The following TSHZ1 variants were observed in gnomAD, a reference collection of about 807,000 sequenced individuals.
The protein encoded by TSHZ1 is teashirt homolog 1.
In TSHZ1, 12 loss-of-function variants were observed where a neutral mutation model predicts 67.1. That is an observed-to-expected ratio of 0.18 (90% CI 0.11 to 0.29). TSHZ1 has a LOEUF of 0.29. Ranked by LOEUF, TSHZ1 falls within the 10% of genes least tolerant of loss-of-function variation. The probability of loss-of-function intolerance (pLI) is 1.00; values close to 1 mark genes in which losing one functional copy is unlikely to be tolerated. For missense variants in TSHZ1, 1,305 were observed against 1,413.9 expected, an observed-to-expected ratio of 0.92 and a Z score of 1.23; for synonymous variants, 632 against 622.4, an observed-to-expected ratio of 1.02 and a Z score of -0.23.
At chr18:75,265,797 A>G (rs928931101) in intron 1 of TSHZ1, among the ~76,000 whole-genome samples, 2 of 152,080 alleles carry the variant, frequency 1.3e-5, no homozygotes, top group African/African-American at 4.8e-5. Context: ...TCCGATGATG[A>G]ATTTACTATT....
chr18:75,229,194 C>G (rs1033094952), intron 1 of TSHZ1, among the ~76,000 whole-genome samples: 1 of 152,230 alleles, frequency 6.6e-6, no homozygotes, highest in Non-Finnish European at 1.5e-5. Flanking sequence ...ACCTGCCGGC[C>G]CTCCTCAAAG....
chr18:75,233,425 C>T (rs906726883), intron 1 of TSHZ1, among the ~76,000 whole-genome samples: 13 of 152,134 alleles, frequency 8.5e-5, no homozygotes, highest in Non-Finnish European at 7.3e-5. Flanking sequence ...AATATAGTGA[C>T]AATACTAAAA....
In TSHZ1 at chr18:75,288,119, C is replaced by A. The variant is rs200403332; in HGVS notation, c.2712C>A (p.Phe904Leu). The change falls in exon 2 of 2, where the codon TTC becomes TTA. Residue 904 changes from phenylalanine (F) to leucine (L), a missense_variant. Around this residue, in one of 3 missense-constraint regions of TSHZ1, gnomAD observed 909 missense variants for 961.8 expected, o/e 0.95. Transcript: ENST00000580243. The surrounding 1 kb of genome is among the most constrained non-coding windows in gnomAD (Gnocchi z 4.9). Reference protein sequence around the residue: ...PQHLLILQAQFASSLRETTEG... With the variant: ...PQHLLILQAQLASSLRETTEG... Reference sequence around the variant, plus strand: ...ACCTTCTCATCCTGCAGGCCCAGTTCGCCTCGAGCTTGCGGGAGACCACAG... The same window carrying A: ...ACCTTCTCATCCTGCAGGCCCAGTTAGCCTCGAGCTTGCGGGAGACCACAG... The A allele has an allele frequency of 6.2e-7, 1 of 1,613,780 alleles. No individual in the cohort carries two copies. The highest frequency in any genetic ancestry group is 1.7e-5 in the Admixed American group (1 of 60,028).
chr18:75,259,039 G>C (rs2023397984), intron 1 of TSHZ1, among the ~76,000 whole-genome samples: 1 of 152,114 alleles, frequency 6.6e-6, no homozygotes. Context: ...TCCCCTCAAG[G>C]TAACCAATAG....
Position 75,286,672 on chromosome 18 carries a change from G to A in TSHZ1, c.1265G>A (p.Gly422Asp), listed in dbSNP as rs1230710348. The A allele has an allele frequency of 1.2e-6, 2 of 1,614,194 alleles. No individual in the cohort carries two copies. The highest frequency in any genetic ancestry group is 2.2e-5 in the South Asian group (2 of 91,084). ...CAGATCCTCAAGTGCATGGAGTGTG[G>A]CAGCTCCCACGACACGCTGCAGCAG... is the stretch of plus-strand genomic sequence containing the variant. ...KAQILKCMEC[G>D]SSHDTLQQLT... is the part of the protein sequence containing the mutation. The change falls in exon 2 of 2, where the codon GGC (glycine) becomes GAC (aspartate). Residue 422 changes from glycine to aspartate, a missense_variant. By Grantham distance (94) the Gly-to-Asp change is moderately conservative (BLOSUM62 -1). This residue lies in a region of TSHZ1 where 909 missense variants were observed against 961.8 expected (regional missense o/e 0.95). Coordinates refer to ENST00000580243, the MANE Select transcript of TSHZ1 (RefSeq NM_001308210.2). The surrounding 1 kb of genome is among the most constrained non-coding windows in gnomAD (Gnocchi z 5.1).
At chr18:75,248,093 T>C (rs2122560489) in intron 1 of TSHZ1, among the ~76,000 whole-genome samples, 1 of 152,322 alleles carries the variant, frequency 6.6e-6, no homozygotes, top group Admixed American at 6.5e-5. Flanking sequence ...AACTATTATT[T>C]GAGGCTATAT....
At chr18:75,254,278 T>C (rs1332484010) in intron 1 of TSHZ1, among the ~76,000 whole-genome samples, 8 of 152,212 alleles carry the variant, frequency 5.3e-5, no homozygotes, top group Non-Finnish European at 4.4e-5. Flanking sequence ...ACTACTGCTT[T>C]ATGGGACTAC....
intron 1 of TSHZ1, chr18:75,283,927 C>T (rs999860593): frequency 2.0e-5 from 3 of 152,158 alleles, no homozygotes; most frequent in Admixed American, 6.5e-5. Context: ...TGTCGTGTTC[C>T]CTCAGGCCCT....
chr18:75,222,225 CTTT>C (rs11365940), intron 1 of TSHZ1, among the ~76,000 whole-genome samples: 2 of 139,036 alleles, frequency 1.4e-5, no homozygotes. Context: ...AGTTGCCTGA[CTTT>C]TTTTTTTTTT....
At chr18:75,262,750 T>C (rs1258410107) in intron 1 of TSHZ1, among the ~76,000 whole-genome samples, 1 of 152,190 alleles carries the variant, frequency 6.6e-6, no homozygotes, top group Non-Finnish European at 1.5e-5. Context: ...TCTCAGCGTC[T>C]TTCCTCTTCC....
intron 1 of TSHZ1, among the ~76,000 whole-genome samples, chr18:75,233,609 C>G (rs972518901): frequency 1.3e-5 from 2 of 152,166 alleles, no homozygotes; most frequent in Non-Finnish European, 2.9e-5. Flanking sequence ...ATGAGTCAGC[C>G]TGGTGGATTA....
rs762622920 is a variant in TSHZ1, at chr18:75,286,570, C to T, written c.1163C>T (p.Pro388Leu). 1.7e-5 allele frequency: 28 copies of T among 1,614,102 alleles called. No homozygotes were observed. The highest frequency in any genetic ancestry group is 1.6e-4 in the Middle Eastern group (1 of 6,084). Residue 388 changes from proline (P) to leucine (L), a missense_variant, in exon 2 of 2, where the codon CCG becomes CTG. Around this residue, in one of 3 missense-constraint regions of TSHZ1, gnomAD observed 909 missense variants for 961.8 expected, o/e 0.95. Transcript: ENST00000580243. The surrounding 1 kb of genome is among the most constrained non-coding windows in gnomAD (Gnocchi z 5.1). ...GCCAAGGATCAGAAAGCAGCGAACC[C>T]GTACGTCACGCCCAATAACCGCTAT... ...ESAKDQKAAN[P>L]YVTPNNRYGY...
intron 1 of TSHZ1, among the ~76,000 whole-genome samples, chr18:75,231,127 C>T (rs949860275): frequency 4.6e-5 from 7 of 152,148 alleles, no homozygotes; most frequent in Non-Finnish European, 7.3e-5. Flanking sequence ...GGGAACTGTG[C>T]GTGGGCCTGA....
intron 1 of TSHZ1, among the ~76,000 whole-genome samples, chr18:75,282,552 C>G (rs1038005745): frequency 6.6e-6 from 1 of 152,064 alleles, no homozygotes; most frequent in Non-Finnish European, 1.5e-5. Flanking sequence ...ACATTAAATG[C>G]GGTCACAGGG....
chr18:75,215,400 A>G (rs1423351651), intron 1 of TSHZ1, among the ~76,000 whole-genome samples: 2 of 152,212 alleles, frequency 1.3e-5, no homozygotes, highest in Non-Finnish European at 2.9e-5. Flanking sequence ...CTCTCTCAAG[A>G]TGGTGAACAT....
intron 1 of TSHZ1, among the ~76,000 whole-genome samples, chr18:75,259,543 G>A (rs1253036641): frequency 6.6e-6 from 1 of 152,064 alleles, no homozygotes; most frequent in Non-Finnish European, 1.5e-5. Context: ...AACTGTCTTG[G>A]TTATCAAATC....
At chr18:75,267,980 C>T (rs557219183) in intron 1 of TSHZ1, among the ~76,000 whole-genome samples, 12 of 152,168 alleles carry the variant, frequency 7.9e-5, no homozygotes, top group Non-Finnish European at 1.5e-4. Context: ...CAATATAAAT[C>T]GCCCTTCCTG....
chr18:75,262,531 G>C (rs2023443057), intron 1 of TSHZ1, among the ~76,000 whole-genome samples: 1 of 152,148 alleles, frequency 6.6e-6, no homozygotes. Context: ...TCTTGGCTAG[G>C]ACCATCAGGT....
At chr18:75,234,264 C>T (rs552092806) in intron 1 of TSHZ1, among the ~76,000 whole-genome samples, 1 of 152,144 alleles carries the variant, frequency 6.6e-6, no homozygotes, top group Non-Finnish European at 1.5e-5. Context: ...TCCCTGCGCA[C>T]CTACTCCCTG....
Sources: allele counts gnomAD v4.1 joint callset (sites outside exome capture counted in the v4.1 genomes callset), GRCh38; gene constraint gnomAD v4.1.1; regional missense constraint gnomAD v4.1.1; non-coding constraint Gnocchi (gnomAD v3.1); transcripts MANE v1.5; gene names NCBI Gene and HGNC (gene_info 2026-07-23, HGNC 2026-07-21).